PCDHGB3: variants seen among roughly 807,000 people sequenced by gnomAD.
PCDHGB3 encodes protocadherin gamma subfamily B, 3.
PCDHGB3 carries 40 observed loss-of-function variants against 59.2 expected under a neutral mutation model. That is an observed-to-expected ratio of 0.68 (90% CI 0.52 to 0.88). The LOEUF (loss-of-function observed/expected upper bound fraction) is 0.88. Ranked by LOEUF, PCDHGB3 falls within the 40% of genes least tolerant of loss-of-function variation. The probability of loss-of-function intolerance (pLI) is 0.00; values close to 1 mark genes in which losing one functional copy is unlikely to be tolerated. For synonymous variants in PCDHGB3, 581 were observed against 503.6 expected (o/e 1.15, Z -2.06); for missense variants, 1,309 against 1,187.9 (o/e 1.10, Z -1.50).
intron 1 of PCDHGB3, chr5:141,383,616 G>A (rs750574958): frequency 2.5e-6 from 4 of 1,613,808 alleles, no homozygotes; most frequent in Non-Finnish European, 3.4e-6. Flanking sequence ...ATGACCACAC[G>A]CCTGTCTTCT....
At chr5:141,482,801 G>C (rs1230060558) in intron 1 of PCDHGB3, among the ~76,000 whole-genome samples, 1 of 152,176 alleles carries the variant, frequency 6.6e-6, no homozygotes, top group African/African-American at 2.4e-5. Flanking sequence ...GCCGGGTACG[G>C]TGGCTCATGC....
intron 1 of PCDHGB3, among the ~76,000 whole-genome samples, chr5:141,456,940 G>A (rs1284610928): frequency 6.6e-6 from 1 of 152,138 alleles, no homozygotes; most frequent in Non-Finnish European, 1.5e-5. Context: ...TCCAGCCTGG[G>A]CAACAGAGCA....
Position 141,432,647 on chromosome 5 carries a change from C to G in PCDHGB3, c.2415+59838C>G, listed in dbSNP as rs747789886. The G allele has an allele frequency of 1.7e-5, 28 of 1,613,678 alleles. No individual in the cohort carries two copies. In the Admixed American group the frequency reaches 4.5e-4, roughly 26 times the overall value. ...GCACACGGGCGAGGTGCGCACGGCG[C>G]GAGCCCTGCTGGACAGAGACGCGCT... On this transcript the variant is annotated intron_variant, in intron 1 of 3. Coordinates refer to ENST00000576222, the MANE Select transcript of PCDHGB3 (RefSeq NM_018924.5). This position sits in a 1 kb window ranked among gnomAD's most constrained non-coding sequence, Gnocchi z 6.0.
chr5:141,414,724 G>A (rs1461729604), intron 1 of PCDHGB3: 48 of 1,614,138 alleles, frequency 3.0e-5, no homozygotes, highest in Non-Finnish European at 3.9e-5. Context: ...AGACACTGGC[G>A]TCCTGTATGC....
At chr5:141,447,130 T>A (rs2098527397) in intron 1 of PCDHGB3, among the ~76,000 whole-genome samples, 1 of 152,146 alleles carries the variant, frequency 6.6e-6, no homozygotes, top group Admixed American at 6.6e-5. Context: ...TTTTTTTGTT[T>A]GTTTGTTTTT....
chr5:141,408,339 T>C lies in PCDHGB3; in HGVS notation c.2415+35530T>C, dbSNP rs768142301. 1.7e-5 allele frequency: 27 copies of C among 1,613,672 alleles called. No homozygotes were observed. In the Middle Eastern group the frequency reaches 9.9e-4, roughly 59 times the overall value. ...CCGGAGGAGCTGGCCAAGGGCTCGGTGGTGGGGAACCTCGCTAAGGATCTA... is the reference window on the plus strand; with the variant it reads ...CCGGAGGAGCTGGCCAAGGGCTCGGCGGTGGGGAACCTCGCTAAGGATCTA... On this transcript the variant is annotated intron_variant, in intron 1 of 3. Coordinates refer to ENST00000576222, the MANE Select transcript of PCDHGB3 (RefSeq NM_018924.5).
chr5:141,410,251 C>A (rs2095372140), intron 1 of PCDHGB3: 5 of 1,613,898 alleles, frequency 3.1e-6, no homozygotes, highest in African/African-American at 1.3e-5. Context: ...TACTCTCTGA[C>A]CCCCAGGCTG....
intron 1 of PCDHGB3, chr5:141,484,858 T>A: frequency 4.1e-6 from 1 of 245,806 alleles, no homozygotes; most frequent in Non-Finnish European, 7.8e-6. Context: ...TTTTGGGGGG[T>A]GGGGGAGCGT....
chr5:141,419,397 T>G (rs1280096838), intron 1 of PCDHGB3: 3 of 1,613,312 alleles, frequency 1.9e-6, no homozygotes. Flanking sequence ...CAGAGCGGGG[T>G]GGTGTTCGCG....
intron 1 of PCDHGB3, chr5:141,394,033 G>C (rs1242755844): frequency 1.2e-6 from 2 of 1,613,422 alleles, no homozygotes; most frequent in Non-Finnish European, 1.7e-6. Context: ...TTAGTGACAA[G>C]GAAATATTTG....
intron 1 of PCDHGB3, chr5:141,410,011 G>T (rs2095347816): frequency 6.2e-7 from 1 of 1,613,184 alleles, no homozygotes; most frequent in South Asian, 1.1e-5. Context: ...ACAACGCCTG[G>T]CTGTCCTACC....
chr5:141,403,080 A>G, intron 1 of PCDHGB3: 2 of 1,614,078 alleles, frequency 1.2e-6, no homozygotes, highest in Non-Finnish European at 1.7e-6. Flanking sequence ...GAAAAGGGCT[A>G]TATTGTGGGC....
intron 1 of PCDHGB3, chr5:141,410,121 A>G (rs1239244343): frequency 1.9e-6 from 3 of 1,612,642 alleles, no homozygotes; most frequent in Non-Finnish European, 2.5e-6. Flanking sequence ...GCAGCCCGCC[A>G]GCGCCTGCTG....
In PCDHGB3 at chr5:141,432,139, T is replaced by A. The variant is rs950514553; in HGVS notation, c.2415+59330T>A. ...TCCCTCAGGCCTCCTATTCCGCTTA[T>A]ATCCCAGAGAACAATCCCAGAGGAG... is the stretch of plus-strand genomic sequence containing the variant. On this transcript the variant is annotated intron_variant, in intron 1 of 3. Transcript: ENST00000576222. The surrounding 1 kb of genome is among the most constrained non-coding windows in gnomAD (Gnocchi z 6.0). The A allele has an allele frequency of 6.8e-6, 11 of 1,613,976 alleles. No individual in the cohort carries two copies. Among genetic ancestry groups the A allele is most frequent in the Non-Finnish European group, 9.3e-6 (11 of 1,180,032 alleles).
intron 1 of PCDHGB3, chr5:141,412,431 G>GTTAA (rs1478574285): frequency 6.6e-6 from 1 of 152,132 alleles, no homozygotes; most frequent in African/African-American, 2.4e-5. Context: ...ACACAAAAAG[G>GTTAA]TTAATTAAGG....
At chr5:141,418,539 A>G (rs984639830) in intron 1 of PCDHGB3, 14 of 1,614,034 alleles carry the variant, frequency 8.7e-6, no homozygotes, top group Non-Finnish European at 1.0e-5. Context: ...GGTACTGCTC[A>G]GATAAGAATC....
chr5:141,381,625 G>C (rs1460922523), intron 1 of PCDHGB3, among the ~76,000 whole-genome samples: 1 of 152,172 alleles, frequency 6.6e-6, no homozygotes, highest in Non-Finnish European at 1.5e-5. Context: ...TAGGATCTCT[G>C]CAGATTTCTG....
chr5:141,375,655 G>C (rs117560542), intron 1 of PCDHGB3: 2 of 1,614,128 alleles, frequency 1.2e-6, no homozygotes, highest in African/African-American at 2.7e-5. Context: ...ACTATGAGCA[G>C]TTGAGAGACC....
chr5:141,464,578 A>G (rs2099086989), intron 1 of PCDHGB3, among the ~76,000 whole-genome samples: 1 of 152,164 alleles, frequency 6.6e-6, no homozygotes, highest in Non-Finnish European at 1.5e-5. Flanking sequence ...ATAGATGAGA[A>G]TGTCCATTGT....
Sources: allele counts gnomAD v4.1 joint callset (sites outside exome capture counted in the v4.1 genomes callset), GRCh38; gene constraint gnomAD v4.1.1; non-coding constraint Gnocchi (gnomAD v3.1); transcripts MANE v1.5; gene names NCBI Gene and HGNC (gene_info 2026-07-23, HGNC 2026-07-21).